The following QSOX1 variants were observed in gnomAD, a reference collection of about 807,000 sequenced individuals.
The protein encoded by QSOX1 is quiescin sulfhydryl oxidase 1.
In QSOX1, 40 loss-of-function variants were observed where a neutral mutation model predicts 76.1. The ratio of observed to expected loss-of-function variants is 0.53; its 90% CI spans 0.41 to 0.68. The LOEUF (loss-of-function observed/expected upper bound fraction) is 0.68. QSOX1 is among the 30% of genes least tolerant of loss of function. QSOX1 has a pLI of 0.00. For synonymous variants in QSOX1, 392 were observed against 413.1 expected, an observed-to-expected ratio of 0.95 and a Z score of 0.62; for missense variants, 931 against 974.3, an observed-to-expected ratio of 0.96 and a Z score of 0.59.
rs886218309 is a variant in QSOX1, at chr1:180,155,201, G to A, written c.265+29G>A. Reference sequence around the variant, plus strand: ...AGAAGCGGGGGCGGCCCGCTCCCCCGTGCCCCGCCGCCCGGACCCCTCCAC... The same window carrying A: ...AGAAGCGGGGGCGGCCCGCTCCCCCATGCCCCGCCGCCCGGACCCCTCCAC... On this transcript the variant is annotated intron_variant, in intron 1 of 11. Transcript: ENST00000367602. The A allele has an allele frequency of 4.1e-6, 6 of 1,447,086 alleles. No individual in the cohort carries two copies. In the African/African-American group the frequency reaches 6.0e-5, roughly 14 times the overall value. 89.6% of individuals were successfully genotyped at this position (1,447,086 alleles called of 1,614,324 possible).
At chr1:180,160,301 T>C (rs1222027596) in intron 1 of QSOX1, among the ~76,000 whole-genome samples, 4 of 151,836 alleles carry the variant, frequency 2.6e-5, no homozygotes, top group Non-Finnish European at 5.9e-5. Context: ...TGTCTATCCA[T>C]GTGCAACAGA....
At chr1:180,166,168 CGAG>C (rs1662614004) in intron 1 of QSOX1, among the ~76,000 whole-genome samples, 2 of 152,116 alleles carry the variant, frequency 1.3e-5, no homozygotes. Context: ...GGGGGGATGG[CGAG>C]GAGCAGGGCA....
rs1663651453 is a variant in QSOX1, at chr1:180,202,287, T to C, written c.*5250T>C. 1 of 152,288 alleles carries C rather than the reference T, an allele frequency of 6.6e-6. No individual in the cohort carries two copies. Among genetic ancestry groups the C allele is most frequent in the Admixed American group, 6.5e-5 (1 of 15,286 alleles). The allele number at this position is 152,288 out of a possible 1,614,324, so 9.4% of individuals were successfully genotyped here. A position where few individuals can be genotyped will look rare whatever the true frequency, so the allele number is the denominator to read the frequency against. On this transcript the variant is annotated 3_prime_UTR_variant, in exon 12 of 12. Transcript: ENST00000367602. ...TGGCAAGACTTGGTCGTCTCTATAC[T>C]GAGAGAGCAAAAGCTCTTTTCCTGG...
intron 1 of QSOX1, among the ~76,000 whole-genome samples, chr1:180,162,289 T>G (rs953230957): frequency 6.6e-6 from 1 of 152,242 alleles, no homozygotes; most frequent in African/African-American, 2.4e-5. Flanking sequence ...ATACATCAAA[T>G]GAGCCTAACT....
At position 180,196,774 on chromosome 1, in the gene QSOX1, C is replaced by T. The variant is rs1235654162; in HGVS notation, c.1981C>T (p.Arg661Cys). Residue 661 changes from arginine to cysteine, a missense_variant, in exon 12 of 12, where the codon CGC becomes TGC. Transcript: ENST00000367602. The surrounding 1 kb of genome is among the most constrained non-coding windows in gnomAD (Gnocchi z 4.1). The stretch of plus-strand genomic sequence containing the variant: ...GGCTGAGTCCAGGGCTGAGAAGAAC[C>T]GCCTCTGGGGCCCTTTGGAGGTCAG... Reference protein sequence around the residue: ...LLAESRAEKNRLWGPLEVRRV... With the variant: ...LLAESRAEKNCLWGPLEVRRV... The T allele has an allele frequency of 3.7e-6, 6 of 1,614,044 alleles. No individual in the cohort carries two copies. The highest frequency in any genetic ancestry group is 2.2e-5 in the East Asian group (1 of 44,894).
rs547788593 is a variant in QSOX1 at position 180,197,271 on chromosome 1, C to T, written c.*234C>T. ...CCCTGCTGTGCAGGGAGGGCAGCCC[C>T]GGGCAGTGGGCATAGGGCAGCTCAG... is the stretch of plus-strand genomic sequence containing the variant. On this transcript the variant is annotated 3_prime_UTR_variant, in exon 12 of 12. Transcript: ENST00000367602. 16 of 1,612,512 alleles carry T rather than the reference C, an allele frequency of 9.9e-6. No homozygotes were observed. Among genetic ancestry groups the T allele is most frequent in the South Asian group, 3.3e-5 (3 of 90,982 alleles).
intron 10 of QSOX1, among the ~76,000 whole-genome samples, chr1:180,192,234 C>G (rs1050621486): frequency 1.1e-4 from 17 of 152,236 alleles, no homozygotes; most frequent in African/African-American, 4.1e-4. Flanking sequence ...TGAAAGAAGG[C>G]TGCTGTGGCC....
intron 1 of QSOX1, among the ~76,000 whole-genome samples, chr1:180,156,992 C>T (rs1662389803): frequency 6.6e-6 from 1 of 152,194 alleles, no homozygotes; most frequent in Admixed American, 6.5e-5. Context: ...CATGTTTGGC[C>T]TCTTGCAATG....
Position 180,154,925 on chromosome 1 carries a change from C to G in QSOX1, c.18C>G (p.Ser6Arg). Reference sequence around the variant, plus strand: ...CGCCGAGGATGAGGAGGTGCAACAGCGGCTCCGGGCCGCCGCCGTCGCTGC... The same window carrying G: ...CGCCGAGGATGAGGAGGTGCAACAGGGGCTCCGGGCCGCCGCCGTCGCTGC... MRRCN[S>R]GSGPPPSLLL... The change falls in exon 1 of 12, where the codon AGC (serine) becomes AGG (arginine). Residue 6 changes from serine (S) to arginine (R), a missense_variant. By Grantham distance (110) the Ser-to-Arg change is moderately radical. Transcript: ENST00000367602. The G allele has an allele frequency of 6.8e-7, 1 of 1,467,858 alleles. No homozygotes were observed. Among genetic ancestry groups the G allele is most frequent in the Non-Finnish European group, 8.9e-7 (1 of 1,118,332 alleles). 90.9% of individuals were successfully genotyped at this position (1,467,858 alleles called of 1,614,324 possible). A position where few individuals can be genotyped will look rare whatever the true frequency, so the allele number is the denominator to read the frequency against.
At chr1:180,166,673 C>A in intron 2 of QSOX1, 82 bp downstream of exon 2, 1 of 1,369,412 alleles carries the variant, frequency 7.3e-7, no homozygotes, top group South Asian at 1.2e-5. Context: ...TGGGATGTGT[C>A]GGGATGGGCA....
chr1:180,166,785 C>G (rs935353592), intron 2 of QSOX1, among the ~76,000 whole-genome samples, 194 bp downstream of exon 2: 2 of 152,250 alleles, frequency 1.3e-5, no homozygotes, highest in African/African-American at 2.4e-5. Flanking sequence ...CTCTTGACCT[C>G]CAAGCCTTAA....
chr1:180,174,847 C>T (rs1662846140), intron 2 of QSOX1, among the ~76,000 whole-genome samples: 1 of 152,040 alleles, frequency 6.6e-6, no homozygotes, highest in African/African-American at 2.4e-5. Context: ...CCCAACTCCC[C>T]CCAATTCACC....
chr1:180,166,215 G>T (rs1044697195), intron 1 of QSOX1, among the ~76,000 whole-genome samples: 1 of 152,198 alleles, frequency 6.6e-6, no homozygotes, highest in East Asian at 1.9e-4. Context: ...CCCATCCCTG[G>T]CCCCGATTAG....
At chr1:180,193,508 GT>G (rs1663376810) in intron 10 of QSOX1, among the ~76,000 whole-genome samples, 1 of 152,070 alleles carries the variant, frequency 6.6e-6, no homozygotes, top group Non-Finnish European at 1.5e-5. Flanking sequence ...GGCCTGGGAG[GT>G]TTGCGGTAGG....
At position 180,176,049 on chromosome 1, in the gene QSOX1, G is replaced by T. The variant is rs201711093; in HGVS notation, c.515+16G>T. The T allele has an allele frequency of 1.9e-6, 3 of 1,564,494 alleles. No homozygotes were observed. The highest frequency in any genetic ancestry group is 2.6e-6 in the Non-Finnish European group (3 of 1,151,714). Reference sequence around the variant, plus strand: ...AGCCTGCCAAGTACTTTGGGCTGGGGCAGGCTTAGTGCATTGTGGGCCAGG... The same window carrying T: ...AGCCTGCCAAGTACTTTGGGCTGGGTCAGGCTTAGTGCATTGTGGGCCAGG... On this transcript the variant is annotated intron_variant, in intron 4 of 11. Coordinates refer to ENST00000367602, the MANE Select transcript of QSOX1 (RefSeq NM_002826.5).
Position 180,198,058 on chromosome 1 carries a change from C to G in QSOX1, c.*1021C>G, listed in dbSNP as rs757994071. On this transcript the variant is annotated 3_prime_UTR_variant, in exon 12 of 12. Coordinates refer to ENST00000367602, the MANE Select transcript of QSOX1 (RefSeq NM_002826.5). ...AAGCATTGGTGTGTTCTTTAACTTG[C>G]TACTTGGAGACCTAGTGTCCAGTCT... 2.5e-6 allele frequency: 1 copy of G among 398,868 alleles called. No homozygotes were observed. The highest frequency in any genetic ancestry group is 1.8e-5 in the South Asian group (1 of 56,784). The allele number at this position is 398,868 out of a possible 1,614,324, so 24.7% of individuals were successfully genotyped here.
At chr1:180,164,272 T>TCA (rs1662559646) in intron 1 of QSOX1, among the ~76,000 whole-genome samples, 1 of 151,854 alleles carries the variant, frequency 6.6e-6, no homozygotes, top group Non-Finnish European at 1.5e-5. Context: ...GCTAAGGGAG[T>TCA]CAAGAAGGCT....
In QSOX1 at chr1:180,200,020, C is replaced by G. The variant is rs1030213225; in HGVS notation, c.*2983C>G. On this transcript the variant is annotated 3_prime_UTR_variant, in exon 12 of 12. Coordinates refer to ENST00000367602, the MANE Select transcript of QSOX1 (RefSeq NM_002826.5). ...GAGGGCTCCAGGGGACCCAGCCAGCCTTGACCCTGGAGGAAAGTCAGGTGG... is the reference window on the plus strand; with the variant it reads ...GAGGGCTCCAGGGGACCCAGCCAGCGTTGACCCTGGAGGAAAGTCAGGTGG... 6.6e-6 allele frequency: 1 copy of G among 152,222 alleles called. No individual in the cohort carries two copies. The highest frequency in any genetic ancestry group is 2.4e-5 in the African/African-American group (1 of 41,430). The allele number at this position is 152,222 out of a possible 1,614,324, so 9.4% of individuals were successfully genotyped here.
intron 10 of QSOX1, among the ~76,000 whole-genome samples, chr1:180,192,021 CA>C (rs1432593314): frequency 1.3e-5 from 2 of 152,130 alleles, no homozygotes; most frequent in Non-Finnish European, 1.5e-5. Flanking sequence ...GCAAGGACAC[CA>C]GTCCTATTGG....
Sources: allele counts gnomAD v4.1 joint callset (sites outside exome capture counted in the v4.1 genomes callset), GRCh38; gene constraint gnomAD v4.1.1; non-coding constraint Gnocchi (gnomAD v3.1); transcripts MANE v1.5; gene names NCBI Gene and HGNC (gene_info 2026-07-23, HGNC 2026-07-21).